TBX2: variants seen among roughly 807,000 people sequenced by gnomAD.
TBX2 encodes the protein T-box transcription factor TBX2.
Under a neutral mutation model 48.4 loss-of-function variants are expected in TBX2, and 19 were observed. The observed-to-expected ratio is 0.39, with a 90% CI of 0.27 to 0.58. The LOEUF (loss-of-function observed/expected upper bound fraction) is 0.58, where lower values mean the gene tolerates loss of function less well. TBX2 is among the 20% of genes least tolerant of loss of function. TBX2 has a pLI of 0.54. For synonymous variants in TBX2, 522 were observed against 459.7 expected (o/e 1.14, Z -1.73); for missense variants, 994 against 1,006.5 (o/e 0.99, Z 0.17).
chr17:61,404,942 A>T, intron 5 of TBX2, 173 bp downstream of exon 5: 2 of 1,235,356 alleles, frequency 1.6e-6, no homozygotes, highest in Non-Finnish European at 2.3e-6. Flanking sequence ...GGTCCCCGGT[A>T]GCCAGAAGAT....
intron 6 of TBX2, chr17:61,407,663 CTG>C (rs2060294476): frequency 5.3e-6 from 1 of 189,246 alleles, no homozygotes; most frequent in Admixed American, 6.2e-5. Flanking sequence ...GGCGAGGACA[CTG>C]TTCTCAATGA....
intron 1 of TBX2, among the ~76,000 whole-genome samples, chr17:61,401,213 TC>T (rs1166617743): frequency 6.6e-6 from 1 of 151,698 alleles, no homozygotes; most frequent in Non-Finnish European, 1.5e-5. Flanking sequence ...TTCACCCTCT[TC>T]CCCCGAACTG....
At chr17:61,405,144 G>A (rs1011825881) in intron 5 of TBX2, 58 bp from the exon 6 acceptor site, 2 of 1,470,348 alleles carry the variant, frequency 1.4e-6, no homozygotes, top group Non-Finnish European at 1.8e-6. Context: ...GAGTGTCCCT[G>A]ATCCTGCTCG....
rs780625185 is a variant in TBX2, at chr17:61,405,646, G to A, written c.1496G>A (p.Gly499Asp). 1.2e-5 allele frequency: 18 copies of A among 1,502,210 alleles called. No individual in the cohort carries two copies. Among genetic ancestry groups the A allele is most frequent in the South Asian group, 2.6e-5 (2 of 77,452 alleles). 93.1% of individuals were successfully genotyped at this position (1,502,210 alleles called of 1,614,324 possible). A position where few individuals can be genotyped will look rare whatever the true frequency, so the allele number is the denominator to read the frequency against. The change falls in exon 6 of 7, where the codon GGC becomes GAC. Residue 499 changes from glycine to aspartate, a missense_variant. Coordinates refer to ENST00000240328, the MANE Select transcript of TBX2 (RefSeq NM_005994.4). ...LFLHPGQFTM[G>D]PGAFSAMGMG... Reference sequence around the variant, plus strand: ...CTGCACCCTGGACAGTTCACCATGGGCCCTGGCGCCTTCTCCGCCATGGGC... The same window carrying A: ...CTGCACCCTGGACAGTTCACCATGGACCCTGGCGCCTTCTCCGCCATGGGC...
rs1223835815 is a variant in TBX2 at position 61,402,869 on chromosome 17, A to G, written c.664-192A>G. Reference sequence around the variant, plus strand: ...GAAAAGCGAGAGGAAAAGTAGAAGAAAAAGAAATAAGGGTGAGAAAAGAGC... The same window carrying G: ...GAAAAGCGAGAGGAAAAGTAGAAGAGAAAGAAATAAGGGTGAGAAAAGAGC... On this transcript the variant is annotated intron_variant, in intron 2 of 6. Coordinates refer to ENST00000240328, the MANE Select transcript of TBX2 (RefSeq NM_005994.4). Among the ~76,000 whole-genome samples the G allele has an allele frequency of 3.3e-5, 5 of 151,080 alleles. No homozygotes were observed. In the East Asian group the frequency reaches 9.9e-4, roughly 30 times the overall value.
chr17:61,404,964 C>A, intron 5 of TBX2, 195 bp downstream of exon 5: 1 of 1,243,924 alleles, frequency 8.0e-7, no homozygotes, highest in Non-Finnish European at 1.1e-6. Context: ...CGGCCGGACT[C>A]CGAGCCTGGC....
rs1302919364 is a variant in TBX2, at chr17:61,406,090, C to T, written c.1686+254C>T. 6 of 380,704 alleles carry T rather than the reference C, an allele frequency of 1.6e-5. No homozygotes were observed. In the East Asian group the frequency reaches 1.9e-4, roughly 12 times the overall value. 23.6% of individuals were successfully genotyped at this position (380,704 alleles called of 1,614,324 possible). The stretch of plus-strand genomic sequence containing the variant: ...TGACCTTTGGCAAGTCCCTGACCCT[C>T]TCTGGGCCTGCTTCCTTCCCTATAG... On this transcript the variant is annotated intron_variant, in intron 6 of 6. Transcript: ENST00000240328. This position sits in a 1 kb window ranked among gnomAD's most constrained non-coding sequence, Gnocchi z 5.7.
intron 6 of TBX2, 63 bp from the exon 7 acceptor site, chr17:61,407,991 A>G: frequency 1.3e-6 from 2 of 1,506,842 alleles, no homozygotes; most frequent in Non-Finnish European, 1.8e-6. Flanking sequence ...GATAGCACCC[A>G]GCCCAACTTC....
Position 61,403,170 on chromosome 17 carries a change from C to T in TBX2, c.773C>T (p.Thr258Ile), listed in dbSNP as rs768782504. The T allele has an allele frequency of 3.7e-6, 6 of 1,613,500 alleles. No homozygotes were observed. In the African/African-American group the frequency reaches 8.0e-5, roughly 22 times the overall value. The change falls in exon 3 of 7, where the codon ACC becomes ATC. Residue 258 changes from threonine to isoleucine, a missense_variant. Thr to Ile is a moderately conservative substitution (Grantham distance 89). Coordinates refer to ENST00000240328, the MANE Select transcript of TBX2 (RefSeq NM_005994.4). The surrounding 1 kb of genome is among the most constrained non-coding windows in gnomAD (Gnocchi z 5.8). ...TTCCGCACCTACGTGTTCCCGGAGACCGACTTCATCGCCGTCACTGCCTAC... is the reference window on the plus strand; with the variant it reads ...TTCCGCACCTACGTGTTCCCGGAGATCGACTTCATCGCCGTCACTGCCTAC... ...STFRTYVFPE[T>I]DFIAVTAYQN...
intron 2 of TBX2, 92 bp from the exon 3 acceptor site, chr17:61,402,969 A>AGAAAGT: frequency 1.6e-5 from 3 of 182,240 alleles, no homozygotes; most frequent in Non-Finnish European, 2.7e-5. Context: ...AGAGAGAGAG[A>AGAAAGT]GAAAGTGGAG....
In TBX2 at chr17:61,404,699, TC is replaced by T; in HGVS notation, c.987del (p.Ala330ArgfsTer38). On this transcript the variant is annotated frameshift_variant, in exon 5 of 7. Transcript: ENST00000240328. LOFTEE classifies it high-confidence loss of function. The stretch of plus-strand genomic sequence containing the variant: ...AGTCAGACGCCTCGTCGTGCGACCC[TC>T]CCCCCGCGCGGGAACCACCCACCTC... ...AESDASSCDPPPAREPPTSPG... is the reference protein window; with the variant it reads ...AESDASSCDPXPAREPPTSPG... 6.4e-7 allele frequency: 1 copy of T among 1,566,806 alleles called. No individual in the cohort carries two copies. The highest frequency in any genetic ancestry group is 8.6e-7 in the Non-Finnish European group (1 of 1,156,966).
In TBX2 at chr17:61,403,720, G is replaced by A. The variant is rs367719293; in HGVS notation, c.810+513G>A. On this transcript the variant is annotated intron_variant, in intron 3 of 6. Transcript: ENST00000240328. The surrounding 1 kb of genome is among the most constrained non-coding windows in gnomAD (Gnocchi z 5.8). ...TCAGTCTAGGCCCCAGACCCCTTGG[G>A]AGGCGCTTAGAGAATTACCTTCCAA... 1.3e-4 allele frequency among the ~76,000 whole-genome samples: 20 copies of A among 152,088 alleles called. No homozygotes were observed. The highest frequency in any genetic ancestry group is 4.6e-4 in the African/African-American group (19 of 41,480).
rs775935102 is a variant in TBX2, at chr17:61,408,490, G to A, written c.2123G>A (p.Arg708Gln). Residue 708 changes from arginine to glutamine, a missense_variant, in exon 7 of 7, where the codon CGG becomes CAG. Transcript: ENST00000240328. ...AGCCAGCGAGCCCTCTCCCCAGGCC[G>A]GGAGTCGCCCAAGTGAGGGGCTGCC... The part of the protein sequence containing the change: ...LESQRALSPG[R>Q]ESPK 4 of 1,445,756 alleles carry A rather than the reference G, an allele frequency of 2.8e-6. No individual in the cohort carries two copies. The highest frequency in any genetic ancestry group is 2.8e-5 in the Admixed American group (1 of 35,432). 89.6% of individuals were successfully genotyped at this position (1,445,756 alleles called of 1,614,324 possible).
chr17:61,407,971 G>T (rs1055197843), intron 6 of TBX2, 83 bp from the exon 7 acceptor site: 1 of 1,463,834 alleles, frequency 6.8e-7, no homozygotes, highest in African/African-American at 1.4e-5. Context: ...GAAGGGCACG[G>T]TGTCCAGGGG....
Position 61,403,275 on chromosome 17 carries a change from C to T in TBX2, c.810+68C>T, listed in dbSNP as rs936010923. On this transcript the variant is annotated intron_variant, in intron 3 of 6. Coordinates refer to ENST00000240328, the MANE Select transcript of TBX2 (RefSeq NM_005994.4). This position sits in a 1 kb window ranked among gnomAD's most constrained non-coding sequence, Gnocchi z 5.8. The stretch of plus-strand genomic sequence containing the variant: ...CCTCAACACGTGCAGGCCCAACCGT[C>T]CGTTCATCGCCCCTCGAAGCCCCCT... 4 of 1,572,546 alleles carry T rather than the reference C, an allele frequency of 2.5e-6. No homozygotes were observed. Among genetic ancestry groups the T allele is most frequent in the African/African-American group, 2.7e-5 (2 of 73,206 alleles).
rs1268121674 is a variant in TBX2 at position 61,400,602 on chromosome 17, G to A, written c.395+31G>A. 1 of 1,478,266 alleles carries A rather than the reference G, an allele frequency of 6.8e-7. No individual in the cohort carries two copies. Among genetic ancestry groups the A allele is most frequent in the African/African-American group, 1.4e-5 (1 of 70,550 alleles). 91.6% of individuals were successfully genotyped at this position (1,478,266 alleles called of 1,614,324 possible). A position where few individuals can be genotyped will look rare whatever the true frequency, so the allele number is the denominator to read the frequency against. ...GCTGCCGGCCGGCTGGAAGGCGCGC[G>A]GGCGGGCGGGCGGGCTGGGGCACGG... On this transcript the variant is annotated intron_variant, in intron 1 of 6. Coordinates refer to ENST00000240328, the MANE Select transcript of TBX2 (RefSeq NM_005994.4). The surrounding 1 kb of genome is among the most constrained non-coding windows in gnomAD (Gnocchi z 9.2).
At chr17:61,404,809 G>A (rs1386115672) in intron 5 of TBX2, 40 bp downstream of exon 5, 5 of 1,536,502 alleles carry the variant, frequency 3.3e-6, no homozygotes, top group African/African-American at 1.4e-5. Flanking sequence ...AGGTGGCGGC[G>A]GGGGGTCCTC....
Position 61,404,622 on chromosome 17 carries a change from C to G in TBX2, c.904C>G (p.Pro302Ala). The change falls in exon 5 of 7, where the codon CCG becomes GCG. Residue 302 changes from proline (P) to alanine (A), a missense_variant. Pro to Ala is a conservative substitution (Grantham distance 27). This residue lies in a region of TBX2 where 639 missense variants were observed against 613.2 expected (regional missense o/e 1.04). Coordinates refer to ENST00000240328, the MANE Select transcript of TBX2 (RefSeq NM_005994.4). ...RREKRKQLTL[P>A]SLRLYEEHCK... Reference sequence around the variant, plus strand: ...CATCCCCAGGAAGCAGCTGACGCTGCCGTCTCTACGCTTGTACGAGGAGCA... The same window carrying G: ...CATCCCCAGGAAGCAGCTGACGCTGGCGTCTCTACGCTTGTACGAGGAGCA... 2 of 1,581,672 alleles carry G rather than the reference C, an allele frequency of 1.3e-6. No individual in the cohort carries two copies. Among genetic ancestry groups the G allele is most frequent in the Non-Finnish European group, 1.7e-6 (2 of 1,161,854 alleles).
chr17:61,405,432 G>A lies in TBX2; in HGVS notation c.1282G>A (p.Glu428Lys). ...GLRSLEKERA[E>K]ARRKDEGRKE... ...GAGGAGCCTGGAGAAGGAGCGCGCCGAAGCTCGGAGGAAGGACGAGGGGCG... is the reference window on the plus strand; with the variant it reads ...GAGGAGCCTGGAGAAGGAGCGCGCCAAAGCTCGGAGGAAGGACGAGGGGCG... The change falls in exon 6 of 7, where the codon GAA (glutamate) becomes AAA (lysine). Residue 428 changes from glutamate to lysine, a missense_variant. By Grantham distance (56) the Glu-to-Lys change is moderately conservative. Transcript: ENST00000240328. The A allele has an allele frequency of 6.4e-7, 1 of 1,559,056 alleles. No homozygotes were observed.
Sources: allele counts gnomAD v4.1 joint callset (sites outside exome capture counted in the v4.1 genomes callset), GRCh38; gene constraint gnomAD v4.1.1; regional missense constraint gnomAD v4.1.1; non-coding constraint Gnocchi (gnomAD v3.1); transcripts MANE v1.5; gene names NCBI Gene and HGNC (gene_info 2026-07-23, HGNC 2026-07-21).